The following MKLN1 variants were observed in gnomAD, a reference collection of about 807,000 sequenced individuals.
MKLN1 encodes the protein muskelin.
In MKLN1, 18 loss-of-function variants were observed where a neutral mutation model predicts 99.0. The observed-to-expected ratio is 0.18, with a 90% CI of 0.13 to 0.27. MKLN1 has a LOEUF of 0.27. Ranked by LOEUF, MKLN1 falls within the 10% of genes least tolerant of loss-of-function variation. MKLN1 has a pLI of 1.00. For missense variants in MKLN1, 621 were observed against 875.9 expected (o/e 0.71, Z 3.67); for synonymous variants, 288 against 293.2 (o/e 0.98, Z 0.18).
rs555847556 is a variant in MKLN1 at position 131,344,926 on chromosome 7, C to T, written c.98+16929C>T. Among the ~76,000 whole-genome samples the T allele has an allele frequency of 1.6e-4, 25 of 152,200 alleles. 1 individual carries two copies. Among genetic ancestry groups the T allele is most frequent in the East Asian group, 3.9e-4 (2 of 5,166 alleles). On this transcript the variant is annotated intron_variant, in intron 1 of 17. Transcript: ENST00000352689. Reference sequence around the variant, plus strand: ...AAGCGATTCTCCTGCCTCGGCCTCCCGAGTAGCTGGGATTACAGGCACGCA... The same window carrying T: ...AAGCGATTCTCCTGCCTCGGCCTCCTGAGTAGCTGGGATTACAGGCACGCA...
intron 1 of MKLN1, among the ~76,000 whole-genome samples, chr7:131,362,841 G>GA (rs565374293): frequency 5.4e-4 from 80 of 149,410 alleles, no homozygotes; most frequent in East Asian, 9.7e-4. Context: ...CCTTGTTTCT[G>GA]AAAAAAAAAC....
chr7:131,276,651 T>G (rs1797980111), intron 3 of MKLN1, among the ~76,000 whole-genome samples: 3 of 152,298 alleles, frequency 2.0e-5, no homozygotes, highest in Admixed American at 1.3e-4. Flanking sequence ...GAAGATAAAC[T>G]GGAGCAGAGT....
intron 2 of MKLN1, among the ~76,000 whole-genome samples, chr7:131,181,454 T>A (rs1419642495): frequency 6.6e-6 from 1 of 152,078 alleles, no homozygotes; most frequent in Non-Finnish European, 1.5e-5. Context: ...ACACCTATAA[T>A]CTCAGCATTT....
At chr7:131,408,238 T>C (rs1563333493) in intron 6 of MKLN1, among the ~76,000 whole-genome samples, 2 of 152,186 alleles carry the variant, frequency 1.3e-5, no homozygotes, top group Non-Finnish European at 2.9e-5. Context: ...ACTAGTTCAG[T>C]GTCATAATAT....
intron 3 of MKLN1, among the ~76,000 whole-genome samples, chr7:131,288,935 T>C (rs554639559): frequency 6.6e-6 from 1 of 152,310 alleles, no homozygotes; most frequent in East Asian, 1.9e-4. Context: ...CTAGTTTGGC[T>C]GTTCACCATC....
chr7:131,126,007 A>G lies in MKLN1; in HGVS notation c.-419+15800A>G, dbSNP rs193096876. On this transcript the variant is annotated intron_variant, in intron 1 of 7. Coordinates refer to the MKLN1 transcript ENST00000416992. ...GGCGACAGAGCGAGACTCCGTCTCA[A>G]AAAAAAAAAAAGATAAATATAAATA... Among the ~76,000 whole-genome samples the G allele has an allele frequency of 1.3e-3, 183 of 143,290 alleles. 2 individuals carry two copies. Among genetic ancestry groups the G allele is most frequent in the Admixed American group, 0.012 (172 of 13,978 alleles). The allele number at this position is 143,290 out of a possible 152,430, so 94.0% of individuals were successfully genotyped here. A position where few individuals can be genotyped will look rare whatever the true frequency, so the allele number is the denominator to read the frequency against.
At chr7:131,438,269 A>G (rs1174534316) in intron 10 of MKLN1, among the ~76,000 whole-genome samples, 2 of 152,014 alleles carry the variant, frequency 1.3e-5, no homozygotes, top group African/African-American at 4.8e-5. Context: ...TAGGAAAAAC[A>G]AATTTAGTTT....
At chr7:131,406,946 C>T (rs1022437236) in intron 6 of MKLN1, among the ~76,000 whole-genome samples, 13 of 151,930 alleles carry the variant, frequency 8.6e-5, no homozygotes, top group Non-Finnish European at 1.6e-4. Flanking sequence ...CAAGGCTGTC[C>T]GAAACTCCAG....
At chr7:131,235,551 A>C (rs1044156950) in intron 3 of MKLN1, among the ~76,000 whole-genome samples, 1 of 152,114 alleles carries the variant, frequency 6.6e-6, no homozygotes, top group African/African-American at 2.4e-5. Flanking sequence ...TTCAGCCTCC[A>C]TATGACGATT....
chr7:131,118,553 C>CA (rs35721483), intron 1 of MKLN1, among the ~76,000 whole-genome samples: 1 of 143,408 alleles, frequency 7.0e-6, no homozygotes, highest in African/African-American at 2.6e-5. Context: ...AACTCTGTCT[C>CA]AAAAAAAAAA....
chr7:131,366,015 A>T (rs1800170964), intron 1 of MKLN1, among the ~76,000 whole-genome samples: 1 of 152,206 alleles, frequency 6.6e-6, no homozygotes, highest in South Asian at 2.1e-4. Context: ...TCTTCATAGA[A>T]ATGCAGAATG....
chr7:131,194,816 A>G (rs947829640), intron 2 of MKLN1, among the ~76,000 whole-genome samples: 3 of 152,216 alleles, frequency 2.0e-5, no homozygotes, highest in African/African-American at 7.2e-5. Context: ...CTGCTAAAAT[A>G]AAGTCTTAGA....
intron 3 of MKLN1, among the ~76,000 whole-genome samples, chr7:131,283,432 CTTT>C (rs755106012): frequency 8.1e-6 from 1 of 123,202 alleles, no homozygotes; most frequent in Admixed American, 8.7e-5. Context: ...TCTTTCTTCT[CTTT>C]TTTTTTTTTT....
rs754130087 is a variant in MKLN1 at position 131,437,973 on chromosome 7, G to A, written c.1149G>A (p.Gly383=). ...GTGAGGATACTGCTGCTGATGGAGG[G>A]CCGAAATTGGTGTTTGATCATCAGG... The part of the protein sequence containing the change: ...LLSEDTAADG[G]PKLVFDHQMC... The change falls in exon 10 of 18, where the codon GGG becomes GGA. Residue 383 remains glycine, a synonymous_variant. Coordinates refer to ENST00000352689, the MANE Select transcript of MKLN1 (RefSeq NM_013255.5). 29 of 1,613,520 alleles carry A rather than the reference G, an allele frequency of 1.8e-5. No homozygotes were observed. The South Asian group carries it at 2.9e-4, about 16-fold the overall frequency.
intron 5 of MKLN1, among the ~76,000 whole-genome samples, chr7:131,398,622 C>T (rs913979320): frequency 7.9e-5 from 12 of 151,472 alleles, no homozygotes; most frequent in Non-Finnish European, 1.2e-4. Flanking sequence ...ACCTGGGAGG[C>T]GGAGGTTGCA....
rs187434749 is a variant in MKLN1, at chr7:131,410,366, C to T, written c.704-940C>T. 3.3e-3 allele frequency among the ~76,000 whole-genome samples: 501 copies of T among 152,098 alleles called. 1 individual carries two copies. The highest frequency in any genetic ancestry group is 0.01 in the Middle Eastern group (3 of 294). ...AAAACGGAGATGATAATGTGTAGTTCATAGGATTGTTTTTAGAATTAAATG... is the reference window on the plus strand; with the variant it reads ...AAAACGGAGATGATAATGTGTAGTTTATAGGATTGTTTTTAGAATTAAATG... On this transcript the variant is annotated intron_variant, in intron 6 of 17. Transcript: ENST00000352689.
chr7:131,230,751 T>A (rs566721572), intron 3 of MKLN1, among the ~76,000 whole-genome samples: 1 of 152,158 alleles, frequency 6.6e-6, no homozygotes, highest in South Asian at 2.1e-4. Flanking sequence ...AAGCCCTGAC[T>A]GAGTCTGGGA....
chr7:131,184,830 A>G (rs1796426293), intron 2 of MKLN1, among the ~76,000 whole-genome samples: 1 of 152,130 alleles, frequency 6.6e-6, no homozygotes, highest in African/African-American at 2.4e-5. Context: ...CCGGCCAGCA[A>G]TACTTTTTTA....
intron 3 of MKLN1, among the ~76,000 whole-genome samples, chr7:131,280,404 C>G (rs550914571): frequency 4.5e-4 from 68 of 152,254 alleles, no homozygotes; most frequent in African/African-American, 1.5e-3. Context: ...CAAAGTGGTG[C>G]CACCATTTCA....
Sources: allele counts gnomAD v4.1 joint callset (sites outside exome capture counted in the v4.1 genomes callset), GRCh38; gene constraint gnomAD v4.1.1; transcripts MANE v1.5; gene names NCBI Gene and HGNC (gene_info 2026-07-23, HGNC 2026-07-21).